Variants in CALN1 observed in about 807,000 individuals in gnomAD.
CALN1 encodes calcium-binding protein 8.
A neutral mutation model predicts 30.6 loss-of-function variants in CALN1; 17 were observed. The observed-to-expected ratio is 0.56, with a 90% CI of 0.38 to 0.83. The LOEUF is 0.83. Among genes scored for constraint, CALN1 ranks in the 40% least tolerant of loss-of-function variants. The pLI is 0.00. For missense variants in CALN1, 291 were observed against 354.9 expected, an observed-to-expected ratio of 0.82 and a Z score of 1.45; for synonymous variants, 156 against 131.4, an observed-to-expected ratio of 1.19 and a Z score of -1.28.
chr7:71,894,393 T>A (rs1483517345), intron 5 of CALN1, among the ~76,000 whole-genome samples: 1 of 152,106 alleles, frequency 6.6e-6, no homozygotes, highest in Non-Finnish European at 1.5e-5. Flanking sequence ...GCCTTCTGAA[T>A]TGCTGGGACT....
At position 72,364,842 on chromosome 7, in the gene CALN1, CTTGCCAACATAGTGA is replaced by C. The variant is rs1803787251; in HGVS notation, c.119+38394_119+38408del. Among the ~76,000 whole-genome samples the C allele has an allele frequency of 2.6e-5, 4 of 152,300 alleles. No individual in the cohort carries two copies. The South Asian group carries it at 8.3e-4, about 32-fold the overall frequency. ...AGTAGTATTAGTATTCGAGATCAGC[CTTGCCAACATAGTGA>C]AACCTCGTCTCTACTAAAAACACAA... On this transcript the variant is annotated intron_variant, in intron 2 of 6. Coordinates refer to ENST00000395275, the MANE Select transcript of CALN1 (RefSeq NM_031468.4).
At chr7:72,075,831 A>G (rs1370277984) in intron 4 of CALN1, among the ~76,000 whole-genome samples, 2 of 152,170 alleles carry the variant, frequency 1.3e-5, no homozygotes, top group African/African-American at 4.8e-5. Context: ...AAATAGAGAC[A>G]TCTGGGTGTC....
intron 5 of CALN1, among the ~76,000 whole-genome samples, chr7:71,964,509 G>A (rs1231203142): frequency 1.3e-5 from 2 of 152,100 alleles, no homozygotes; most frequent in Non-Finnish European, 2.9e-5. Flanking sequence ...TGTGGGCTTG[G>A]AGAATGAGTG....
At chr7:72,435,646 C>T (rs1162371837) in intron 1 of CALN1, among the ~76,000 whole-genome samples, 4 of 152,210 alleles carry the variant, frequency 2.6e-5, no homozygotes, top group Admixed American at 2.6e-4. Flanking sequence ...ACTTAGGGCT[C>T]TCTGGAGAAT....
At chr7:71,956,434 C>T (rs563359561) in intron 5 of CALN1, among the ~76,000 whole-genome samples, 47 of 151,512 alleles carry the variant, frequency 3.1e-4, no homozygotes, top group African/African-American at 1.1e-3. Flanking sequence ...TACTATTGGG[C>T]ATTATTTCAA....
rs186336377 is a variant in CALN1 at position 72,226,915 on chromosome 7, T to C, written c.244+51771A>G. Among the ~76,000 whole-genome samples, 9 of 151,986 alleles carry C rather than the reference T, an allele frequency of 5.9e-5. No homozygotes were observed. The East Asian group carries it at 1.6e-3, about 26-fold the overall frequency. ...AGCCACGCATGATGGCGCATGTCTA[T>C]AGTTCCAGCTACCTGGGAGGTAAGG... On this transcript the variant is annotated intron_variant, in intron 3 of 6. Coordinates refer to ENST00000395275, the MANE Select transcript of CALN1 (RefSeq NM_031468.4).
At chr7:72,218,139 G>A (rs1057224382) in intron 3 of CALN1, among the ~76,000 whole-genome samples, 3 of 151,296 alleles carry the variant, frequency 2.0e-5, no homozygotes, top group Admixed American at 6.6e-5. Flanking sequence ...ACCCCGCTCC[G>A]CCAAAATTTT....
intron 2 of CALN1, among the ~76,000 whole-genome samples, chr7:72,288,381 G>A (rs1439169506): frequency 2.0e-5 from 3 of 152,126 alleles, no homozygotes; most frequent in Non-Finnish European, 4.4e-5. Flanking sequence ...TCAAAGACAT[G>A]GGGGTAGGGG....
chr7:72,089,115 T>A (rs1342155661), intron 4 of CALN1, among the ~76,000 whole-genome samples: 1 of 152,096 alleles, frequency 6.6e-6, no homozygotes, highest in Non-Finnish European at 1.5e-5. Flanking sequence ...ATAATAAAAG[T>A]TGTAAAAAAT....
chr7:71,817,749 T>G (rs1243138008), intron 5 of CALN1, among the ~76,000 whole-genome samples: 1 of 152,090 alleles, frequency 6.6e-6, no homozygotes, highest in Non-Finnish European at 1.5e-5. Context: ...CTCCTGACCT[T>G]GTAATCCACC....
intron 3 of CALN1, among the ~76,000 whole-genome samples, chr7:72,159,527 G>A (rs546573199): frequency 2.0e-5 from 3 of 151,896 alleles, no homozygotes; most frequent in Admixed American, 6.5e-5. Context: ...GCCAGGCATA[G>A]TGGCTTATGC....
At chr7:71,790,798 T>TA (rs1793336479) in intron 6 of CALN1, among the ~76,000 whole-genome samples, 1 of 152,150 alleles carries the variant, frequency 6.6e-6, no homozygotes, top group Non-Finnish European at 1.5e-5. Flanking sequence ...AAGCAATTGC[T>TA]AGACATCCAC....
At chr7:72,424,044 G>T (rs892643059) in intron 1 of CALN1, among the ~76,000 whole-genome samples, 3 of 151,070 alleles carry the variant, frequency 2.0e-5, no homozygotes, top group African/African-American at 7.3e-5. Context: ...GGAAGGAAAA[G>T]AAAGAAAGAA....
intron 5 of CALN1, among the ~76,000 whole-genome samples, chr7:71,897,141 G>A (rs1010667833): frequency 6.6e-6 from 1 of 152,122 alleles, no homozygotes; most frequent in African/African-American, 2.4e-5. Context: ...AAGCTTTATG[G>A]ACCTACAAAA....
the CALN1 span, among the ~76,000 whole-genome samples, chr7:72,456,197 AG>A: frequency 6.9e-3 from 916 of 133,626 alleles, 8 homozygotes; most frequent in African/African-American, 0.025. Context: ...AAAAAAAAAA[AG>A]AGAGAGAGAG....
intron 1 of CALN1, among the ~76,000 whole-genome samples, chr7:72,404,997 C>A (rs1806603417): frequency 6.6e-6 from 1 of 152,114 alleles, no homozygotes; most frequent in African/African-American, 2.4e-5. Flanking sequence ...GAACCAGAAA[C>A]CCCCATGGTC....
At chr7:72,105,981 C>CTAGAACTCTA (rs747123728) in intron 4 of CALN1, among the ~76,000 whole-genome samples, 170 bp downstream of exon 4, 27 of 152,142 alleles carry the variant, frequency 1.8e-4, no homozygotes, top group Non-Finnish European at 3.2e-4. Context: ...CTACAGGCCC[C>CTAGAACTCTA]TAGAACTCTA....
chr7:71,972,435 G>A (rs186232009), intron 5 of CALN1, among the ~76,000 whole-genome samples: 112 of 152,282 alleles, frequency 7.4e-4, no homozygotes, highest in Non-Finnish European at 1.2e-3. Context: ...GTTTATATCT[G>A]AAAGGAGAAT....
rs1340135384 is a variant in CALN1, at chr7:71,968,574, G to A, written c.501+55083C>T. Among the ~76,000 whole-genome samples the A allele has an allele frequency of 2.6e-5, 4 of 152,146 alleles. No homozygotes were observed. In the East Asian group the frequency reaches 7.8e-4, roughly 30 times the overall value. On this transcript the variant is annotated intron_variant, in intron 5 of 6. Transcript: ENST00000395275. ...GTTTCCCAAGAGGCTGGGATTACAG[G>A]TTTCACCATGCTGGCCAGGCTGGTA...
Sources: gnomAD v4.1 joint callset for allele counts (sites outside exome capture counted in the v4.1 genomes callset) on GRCh38, gnomAD v4.1.1 for gene constraint, MANE v1.5 for transcripts, NCBI Gene and HGNC (gene_info 2026-07-23, HGNC 2026-07-21) for gene names.